The following PIK3C2G variants were observed in gnomAD, a reference collection of about 807,000 sequenced individuals.
PIK3C2G encodes the protein phosphatidylinositol-4-phosphate 3-kinase catalytic subunit type 2 gamma.
A neutral mutation model predicts 181.1 loss-of-function variants in PIK3C2G; 168 were observed. That is an observed-to-expected ratio of 0.93 (90% CI 0.82 to 1.05). The LOEUF is 1.05. PIK3C2G is among the 50% of genes least tolerant of loss of function. The pLI is 0.00. For synonymous variants in PIK3C2G, 573 were observed against 592.2 expected, an observed-to-expected ratio of 0.97 and a Z score of 0.47; for missense variants, 1,869 against 1,732.8, an observed-to-expected ratio of 1.08 and a Z score of -1.40.
intron 5 of PIK3C2G, among the ~76,000 whole-genome samples, chr12:18,310,576 G>A (rs1445097658): frequency 6.6e-6 from 1 of 151,838 alleles, no homozygotes; most frequent in Non-Finnish European, 1.5e-5. Context: ...AATTTTATTT[G>A]AGTGTCTGTC....
intron 16 of PIK3C2G, among the ~76,000 whole-genome samples, chr12:18,402,655 G>GA (rs1370008194): frequency 6.6e-6 from 1 of 151,950 alleles, no homozygotes; most frequent in Non-Finnish European, 1.5e-5. Flanking sequence ...ATATTTTTTA[G>GA]AAAAATCTTT....
intron 1 of PIK3C2G, among the ~76,000 whole-genome samples, chr12:18,255,908 A>G (rs1307033023): frequency 6.6e-6 from 1 of 152,196 alleles, no homozygotes; most frequent in East Asian, 1.9e-4. Context: ...AATAATTTCC[A>G]TGATTATCGA....
chr12:18,457,981 T>TA (rs547030280), intron 18 of PIK3C2G, among the ~76,000 whole-genome samples: 78 of 152,314 alleles, frequency 5.1e-4, no homozygotes, highest in Non-Finnish European at 8.2e-4. Context: ...CTTCTTTCTT[T>TA]AACATTAAAG....
intron 31 of PIK3C2G, among the ~76,000 whole-genome samples, chr12:18,626,626 G>T (rs1031917918): frequency 6.6e-6 from 1 of 151,966 alleles, no homozygotes; most frequent in Non-Finnish European, 1.5e-5. Flanking sequence ...GGCATGGTTT[G>T]TCTGGGAAAG....
rs368777285 is a variant in PIK3C2G at position 18,594,582 on chromosome 12, G to T, written c.4087+13G>T. 1 of 1,396,526 alleles carries T rather than the reference G, an allele frequency of 7.2e-7. No homozygotes were observed. Among genetic ancestry groups the T allele is most frequent in the South Asian group, 1.4e-5 (1 of 70,924 alleles). The allele number at this position is 1,396,526 out of a possible 1,614,324, so 86.5% of individuals were successfully genotyped here. A position where few individuals can be genotyped will look rare whatever the true frequency, so the allele number is the denominator to read the frequency against. On this transcript the variant is annotated intron_variant, in intron 30 of 32. Coordinates refer to ENST00000538779, the MANE Select transcript of PIK3C2G (RefSeq NM_001288772.2). ...CCTGTGTACCTAGGTAAGTAAATTT[G>T]TCATTATATTACGTACAGTGATTTT...
In PIK3C2G at chr12:18,550,801, G is replaced by A. The variant is rs557373367; in HGVS notation, c.3590+4369G>A. Among the ~76,000 whole-genome samples the A allele has an allele frequency of 7.2e-5, 11 of 152,110 alleles. No individual in the cohort carries two copies. In the South Asian group the frequency reaches 1.7e-3, roughly 23 times the overall value. ...CACTAGGCTCACAGATTGGGATCCC[G>A]AGCCAAGACCAGGCCATCTGAGACA... On this transcript the variant is annotated intron_variant, in intron 26 of 32. Coordinates refer to ENST00000538779, the MANE Select transcript of PIK3C2G (RefSeq NM_001288772.2).
chr12:18,688,116 G>C, the PIK3C2G span: 1 of 1,611,340 alleles, frequency 6.2e-7, no homozygotes, highest in African/African-American at 1.3e-5. Context: ...CGAGTCTGCT[G>C]CTTCATTTGA....
chr12:18,585,348 A>G (rs1946712457), intron 29 of PIK3C2G, among the ~76,000 whole-genome samples: 1 of 152,174 alleles, frequency 6.6e-6, no homozygotes, highest in Non-Finnish European at 1.5e-5. Context: ...AAGAAAATCC[A>G]CCAAGCAAAT....
chr12:18,381,514 G>C (rs1406296751), intron 13 of PIK3C2G, among the ~76,000 whole-genome samples: 1 of 152,112 alleles, frequency 6.6e-6, no homozygotes, highest in African/African-American at 2.4e-5. Flanking sequence ...AGAAACCACT[G>C]TGGGCAAATA....
the PIK3C2G span, among the ~76,000 whole-genome samples, chr12:18,675,696 A>G: frequency 0.01 from 1,555 of 152,310 alleles, 35 homozygotes; most frequent in African/African-American, 0.035. Flanking sequence ...ATAGCCAGGA[A>G]AAAGAATAAA....
chr12:18,245,668 A>C (rs1591755320), upstream of PIK3C2G, among the ~76,000 whole-genome samples: 3 of 152,264 alleles, frequency 2.0e-5, no homozygotes, highest in South Asian at 4.1e-4. Context: ...ATACATTCAA[A>C]TTTAGTGATA....
chr12:18,318,838 T>C (rs902738450), intron 6 of PIK3C2G, among the ~76,000 whole-genome samples: 2 of 150,350 alleles, frequency 1.3e-5, no homozygotes, highest in Non-Finnish European at 3.0e-5. Flanking sequence ...CTTAGGCCTC[T>C]AATCCCAGCA....
At chr12:18,293,181 A>G (rs117458005) in intron 4 of PIK3C2G, among the ~76,000 whole-genome samples, 9 of 152,186 alleles carry the variant, frequency 5.9e-5, no homozygotes, top group Non-Finnish European at 1.3e-4. Flanking sequence ...ACGTTTGTCT[A>G]TTTTTTTATG....
chr12:18,724,746 T>C, the PIK3C2G span, among the ~76,000 whole-genome samples: 1 of 152,156 alleles, frequency 6.6e-6, no homozygotes, highest in African/African-American at 2.4e-5. Flanking sequence ...TAATTTCATT[T>C]TAGCCTTATC....
In PIK3C2G at chr12:18,339,120, T is replaced by C. The variant is rs574796140; in HGVS notation, c.1395+572T>C. Among the ~76,000 whole-genome samples the C allele has an allele frequency of 2.6e-4, 39 of 152,256 alleles. 2 individuals carry two copies. The South Asian group carries it at 7.9e-3, about 31-fold the overall frequency. On this transcript the variant is annotated intron_variant, in intron 9 of 32. Transcript: ENST00000538779. ...TGGTGGGCTTAAAAAATGGGCATTA[T>C]GTGATTTTCTTTTGAATTCTCAGAA...
chr12:18,275,628 G>A (rs1388180049), intron 1 of PIK3C2G, among the ~76,000 whole-genome samples: 5 of 152,046 alleles, frequency 3.3e-5, no homozygotes, highest in Middle Eastern at 3.2e-3. Flanking sequence ...TGATCCACCC[G>A]CCTCGGCCTC....
intron 15 of PIK3C2G, 38 bp downstream of exon 15, chr12:18,391,290 C>T (rs1295212147): frequency 1.1e-5 from 16 of 1,491,096 alleles, no homozygotes; most frequent in South Asian, 1.4e-5. Context: ...TTTTTGCCTG[C>T]TGTTTATGAT....
At chr12:18,690,698 C>T in the PIK3C2G span, among the ~76,000 whole-genome samples, 1 of 152,068 alleles carries the variant, frequency 6.6e-6, no homozygotes, top group Non-Finnish European at 1.5e-5. Flanking sequence ...AAAATGCTTT[C>T]AAAAAGACAT....
chr12:18,695,049 G>A, the PIK3C2G span: 1 of 1,613,042 alleles, frequency 6.2e-7, no homozygotes, highest in Non-Finnish European at 8.5e-7. Flanking sequence ...CAGATCCATG[G>A]GCAGACCAGG....
Sources: allele counts gnomAD v4.1 joint callset (sites outside exome capture counted in the v4.1 genomes callset), GRCh38; gene constraint gnomAD v4.1.1; transcripts MANE v1.5; gene names NCBI Gene and HGNC (gene_info 2026-07-23, HGNC 2026-07-21).